PHF1: variants seen among roughly 807,000 people sequenced by gnomAD.
The protein encoded by PHF1 is PHD finger protein 1.
PHF1 carries 16 observed loss-of-function variants against 69.4 expected under a neutral mutation model. The ratio of observed to expected loss-of-function variants is 0.23; its 90% CI spans 0.16 to 0.35. PHF1 has a LOEUF of 0.35. Among genes scored for constraint, PHF1 ranks in the 10% least tolerant of loss-of-function variants. The probability of loss-of-function intolerance (pLI) is 1.00; values close to 1 mark genes in which losing one functional copy is unlikely to be tolerated. For synonymous variants in PHF1, 274 were observed against 275.0 expected, an observed-to-expected ratio of 1.00 and a Z score of 0.04; for missense variants, 515 against 732.8, an observed-to-expected ratio of 0.70 and a Z score of 3.43.
rs571858795 is a variant in PHF1, at chr6:33,413,288, G to T, written c.430G>T (p.Ala144Ser). ...ATGCCGCCAGTGTGTCTTTGCGATCGCCACCAAGGTAAAGGCACTTCCCTG... is the reference window on the plus strand; with the variant it reads ...ATGCCGCCAGTGTGTCTTTGCGATCTCCACCAAGGTAAAGGCACTTCCCTG... ...WVCRQCVFAI[A>S]TKRGGALKKG... The change falls in exon 5 of 15, where the codon GCC becomes TCC. Residue 144 changes from alanine (A) to serine (S), a missense_variant. Around this residue, in one of 5 missense-constraint regions of PHF1, gnomAD observed 142 missense variants for 309.7 expected, o/e 0.46. Transcript: ENST00000374516. 6.2e-7 allele frequency: 1 copy of T among 1,613,464 alleles called. No homozygotes were observed. The highest frequency in any genetic ancestry group is 1.3e-5 in the African/African-American group (1 of 75,034).
rs1776123410 is a variant in PHF1, at chr6:33,412,252, C to T, written c.-12C>T. 6.2e-7 allele frequency: 1 copy of T among 1,607,696 alleles called. No homozygotes were observed. The highest frequency in any genetic ancestry group is 2.2e-5 in the East Asian group (1 of 44,818). On this transcript the variant is annotated 5_prime_UTR_variant, in exon 2 of 15. Coordinates refer to ENST00000374516, the MANE Select transcript of PHF1 (RefSeq NM_024165.3). The surrounding 1 kb of genome is among the most constrained non-coding windows in gnomAD (Gnocchi z 4.2). ...CCCCATTTCTTTTCTGGCTAGGCCC[C>T]CCCAGGATGCAATGGCGCAGCCCCC...
At chr6:33,415,418 C>T (rs1273168463) in intron 13 of PHF1, 89 bp downstream of exon 13, 1 of 1,268,958 alleles carries the variant, frequency 7.9e-7, no homozygotes, top group Non-Finnish European at 1.1e-6. Flanking sequence ...TTTTCCCTCT[C>T]CCCCTTGGCT....
At position 33,411,195 on chromosome 6, in the gene PHF1, C is replaced by T. The variant is rs920575890; in HGVS notation, c.-37C>T. On this transcript the variant is annotated 5_prime_UTR_variant, in exon 1 of 15. Coordinates refer to ENST00000374516, the MANE Select transcript of PHF1 (RefSeq NM_024165.3). ...CCTACGTCTGCCCCTGCCCGGCTCC[C>T]GGCGGCCCCAGCTGTCACCGGTAAG... is the stretch of plus-strand genomic sequence containing the variant. The T allele has an allele frequency of 6.6e-6, 1 of 152,084 alleles. No homozygotes were observed. Among genetic ancestry groups the T allele is most frequent in the Non-Finnish European group, 1.5e-5 (1 of 68,000 alleles). The allele number at this position is 152,084 out of a possible 1,614,324, so 9.4% of individuals were successfully genotyped here.
intron 1 of PHF1, among the ~76,000 whole-genome samples, chr6:33,411,594 A>C (rs756686741): frequency 9.2e-5 from 14 of 152,208 alleles, no homozygotes; most frequent in Middle Eastern, 3.4e-3. Context: ...ATACCTCTAA[A>C]CTGAGTAGCC....
Position 33,412,791 on chromosome 6 carries a change from A to G in PHF1, c.335A>G (p.His112Arg). Residue 112 changes from histidine (H) to arginine (R), a missense_variant and splice_region_variant, in exon 4 of 15, where the codon CAT becomes CGT. Physicochemically the swap from His to Arg is conservative, Grantham distance 29. Coordinates refer to ENST00000374516, the MANE Select transcript of PHF1 (RefSeq NM_024165.3). The surrounding 1 kb of genome is among the most constrained non-coding windows in gnomAD (Gnocchi z 4.2). ...NRLVSCEKCR[H>R]AYHQDCHVPR... ...CTGGTCAGCTGTGAGAAGTGTCGCC[A>G]TGGTGAGAGGGCAGGTCACCTGAAT... The G allele has an allele frequency of 1.2e-6, 2 of 1,613,300 alleles. No homozygotes were observed. The highest frequency in any genetic ancestry group is 8.5e-7 in the Non-Finnish European group (1 of 1,179,468).
chr6:33,413,855 G>A, intron 7 of PHF1, 24 bp downstream of exon 7: 1 of 1,600,568 alleles, frequency 6.2e-7, no homozygotes, highest in Admixed American at 1.7e-5. Flanking sequence ...AGACTCTCTA[G>A]GAGCCAAGGA....
intron 1 of PHF1, 75 bp downstream of exon 1, chr6:33,411,290 C>T (rs1187086328): frequency 6.6e-6 from 1 of 152,260 alleles, no homozygotes; most frequent in Non-Finnish European, 1.5e-5. Flanking sequence ...GGGAGAGCCT[C>T]GCCGCCTTGG....
chr6:33,414,693 C>G lies in PHF1; in HGVS notation c.945-32C>G, dbSNP rs780855795. 4 of 1,585,280 alleles carry G rather than the reference C, an allele frequency of 2.5e-6. No individual in the cohort carries two copies. The Admixed American group carries it at 6.7e-5, about 27-fold the overall frequency. On this transcript the variant is annotated intron_variant, in intron 10 of 14. Transcript: ENST00000374516. This position sits in a 1 kb window ranked among gnomAD's most constrained non-coding sequence, Gnocchi z 5.0. ...TAAGGAGGAACCGTTTTTTACAGCACTGACCCTATATCATTTCTCTTCTTG... is the reference window on the plus strand; with the variant it reads ...TAAGGAGGAACCGTTTTTTACAGCAGTGACCCTATATCATTTCTCTTCTTG...
Position 33,415,316 on chromosome 6 carries a change from C to G in PHF1, c.1321C>G (p.Arg441Gly), listed in dbSNP as rs764422208. The change falls in exon 13 of 15, where the codon CGC (arginine) becomes GGC (glycine). Residue 441 changes from arginine (R) to glycine (G), a missense_variant. Arg to Gly is a moderately radical substitution (Grantham distance 125). This residue lies in a region of PHF1 where 274 missense variants were observed against 304.5 expected (regional missense o/e 0.90). Coordinates refer to ENST00000374516, the MANE Select transcript of PHF1 (RefSeq NM_024165.3). ...CTACAACTTCCGGCCCACAGATGCCCGCTGCCTGCCCAGGTCAGTGCTCCT... is the reference window on the plus strand; with the variant it reads ...CTACAACTTCCGGCCCACAGATGCCGGCTGCCTGCCCAGGTCAGTGCTCCT... ...SGYNFRPTDA[R>G]CLPSSPIRMF... 6.2e-7 allele frequency: 1 copy of G among 1,612,840 alleles called. No homozygotes were observed. Among genetic ancestry groups the G allele is most frequent in the Admixed American group, 1.7e-5 (1 of 60,004 alleles).
chr6:33,415,502 G>A, intron 13 of PHF1, 88 bp from the exon 14 acceptor site: 1 of 1,401,884 alleles, frequency 7.1e-7, no homozygotes, highest in Non-Finnish European at 1.0e-6. Flanking sequence ...GGAGTCCCTT[G>A]GGGGTAGTGT....
Position 33,415,287 on chromosome 6 carries a change from G to T in PHF1, c.1292G>T (p.Ser431Ile), listed in dbSNP as rs761725434. Residue 431 changes from serine (S) to isoleucine (I), a missense_variant, in exon 13 of 15, where the codon AGC (serine) becomes ATC (isoleucine). Transcript: ENST00000374516. ...PSPNQSYQGS[S>I]GYNFRPTDAR... The stretch of plus-strand genomic sequence containing the variant: ...CCTAACCAGAGTTACCAGGGCAGCA[G>T]CGGCTACAACTTCCGGCCCACAGAT... The T allele has an allele frequency of 6.2e-7, 1 of 1,613,848 alleles. No individual in the cohort carries two copies. Among genetic ancestry groups the T allele is most frequent in the South Asian group, 1.1e-5 (1 of 91,078 alleles).
chr6:33,415,127 C>G lies in PHF1; in HGVS notation c.1222C>G (p.Leu408Val), dbSNP rs139787773. ...CCAGGAGCAGAGGGAGCGGGCTCATCTGCAGAGGGCACTGCAGGTACTGGA... is the reference window on the plus strand; with the variant it reads ...CCAGGAGCAGAGGGAGCGGGCTCATGTGCAGAGGGCACTGCAGGTACTGGA... ...EPQEQRERAH[L>V]QRALQASVSP... Residue 408 changes from leucine (L) to valine (V), a missense_variant, in exon 12 of 15, where the codon CTG becomes GTG. By Grantham distance (32) the Leu-to-Val change is conservative. Around this residue, in one of 5 missense-constraint regions of PHF1, gnomAD observed 274 missense variants for 304.5 expected, o/e 0.90. Transcript: ENST00000374516. 1.5e-5 allele frequency: 24 copies of G among 1,613,586 alleles called. No individual in the cohort carries two copies. The highest frequency in any genetic ancestry group is 2.0e-5 in the Non-Finnish European group (24 of 1,179,734).
At chr6:33,413,918 C>T in intron 7 of PHF1, 87 bp downstream of exon 7, 2 of 1,524,096 alleles carry the variant, frequency 1.3e-6, no homozygotes, top group Non-Finnish European at 9.1e-7. Flanking sequence ...TTCTCCACTC[C>T]AGTCTCTTCC....
Position 33,414,167 on chromosome 6 carries a change from A to AT in PHF1, c.752+59dup. The AT allele has an allele frequency of 3.7e-6, 6 of 1,613,536 alleles. No individual in the cohort carries two copies. Among genetic ancestry groups the AT allele is most frequent in the Non-Finnish European group, 5.1e-6 (6 of 1,179,696 alleles). ...TCCACACCACAGTATTTCACTCTAT[A>AT]TGCCCCAACCTCCCACCTCAGGACT... On this transcript the variant is annotated intron_variant, in intron 8 of 14. Coordinates refer to ENST00000374516, the MANE Select transcript of PHF1 (RefSeq NM_024165.3). This position sits in a 1 kb window ranked among gnomAD's most constrained non-coding sequence, Gnocchi z 5.0.
intron 12 of PHF1, 41 bp from the exon 13 acceptor site, chr6:33,415,194 G>A: frequency 3.1e-6 from 5 of 1,613,170 alleles, no homozygotes; most frequent in Non-Finnish European, 4.2e-6. Flanking sequence ...GTGTGGGAAG[G>A]AGTCAAGGAT....
intron 7 of PHF1, 37 bp from the exon 8 acceptor site, chr6:33,413,991 GGCACAGTTTTCCT>G (rs1388749453): frequency 6.2e-7 from 1 of 1,606,254 alleles, no homozygotes; most frequent in South Asian, 1.1e-5. Flanking sequence ...TCCAGGGGAT[GGCACAGTTTTCCT>G]GTGTAAGTGT....
At chr6:33,410,570 G>GGAGGGCGGGGCTGGGGCTAACAGCTGGT (rs1554300920), upstream of PHF1, 1 of 139,850 alleles carries the variant, frequency 7.2e-6, no homozygotes, top group African/African-American at 2.7e-5. Flanking sequence ...ACTCGTCACG[G>GGAGGGCGGGGCTGGGGCTAACAGCTGGT]GGAGGGCGGG....
rs753309306 is a variant in PHF1 at position 33,413,263 on chromosome 6, A to G, written c.405A>G (p.Val135=). ...GAGAGGGAGAGGGCACATCCTGGGT[A>G]TGCCGCCAGTGTGTCTTTGCGATCG... The part of the protein sequence containing the change: ...APGEGEGTSW[V]CRQCVFAIAT... The change falls in exon 5 of 15, where the codon GTA becomes GTG. Residue 135 remains valine (V), a synonymous_variant. Transcript: ENST00000374516. 81 of 1,613,984 alleles carry G rather than the reference A, an allele frequency of 5.0e-5. No homozygotes were observed. Among genetic ancestry groups the G allele is most frequent in the Middle Eastern group, 1.6e-4 (1 of 6,084 alleles).
At position 33,416,046 on chromosome 6, in the gene PHF1, C is replaced by T; in HGVS notation, c.1652C>T (p.Pro551Leu). Reference sequence around the variant, plus strand: ...CGGGTCCTTGCTCGGAGAGTACGGCCTGATGGCTCTGTGCAGTACCTGGTT... The same window carrying T: ...CGGGTCCTTGCTCGGAGAGTACGGCTTGATGGCTCTGTGCAGTACCTGGTT... ...PVRVLARRVR[P>L]DGSVQYLVEW... The change falls in exon 15 of 15, where the codon CCT (proline) becomes CTT (leucine). Residue 551 changes from proline (P) to leucine (L), a missense_variant. Around this residue, in one of 5 missense-constraint regions of PHF1, gnomAD observed 274 missense variants for 304.5 expected, o/e 0.90. Coordinates refer to ENST00000374516, the MANE Select transcript of PHF1 (RefSeq NM_024165.3). 1 of 1,606,610 alleles carries T rather than the reference C, an allele frequency of 6.2e-7. No individual in the cohort carries two copies. The highest frequency in any genetic ancestry group is 8.5e-7 in the Non-Finnish European group (1 of 1,175,614).
Sources: gnomAD v4.1 joint callset for allele counts (sites outside exome capture counted in the v4.1 genomes callset) on GRCh38, gnomAD v4.1.1 for gene constraint, gnomAD v4.1.1 regional missense constraint, Gnocchi (gnomAD v3.1) non-coding constraint, MANE v1.5 for transcripts, NCBI Gene and HGNC (gene_info 2026-07-23, HGNC 2026-07-21) for gene names.